The following RORA variants were observed in gnomAD, a reference collection of about 807,000 sequenced individuals.
RORA encodes nuclear receptor ROR-alpha.
A neutral mutation model predicts 69.5 loss-of-function variants in RORA; 7 were observed. The ratio of observed to expected loss-of-function variants is 0.10; its 90% confidence interval spans 0.06 to 0.19. The LOEUF (loss-of-function observed/expected upper bound fraction) is 0.19. RORA is among the 10% of genes least tolerant of loss of function. The pLI is 1.00. For synonymous variants in RORA, 261 were observed against 240.8 expected (o/e 1.08, Z -0.78); for missense variants, 457 against 663.0 (o/e 0.69, Z 3.41).
chr15:60,896,740 T>C lies in RORA; in HGVS notation c.167-218054A>G, dbSNP rs1289544414. Among the ~76,000 whole-genome samples the C allele has an allele frequency of 1.6e-5, 2 of 126,794 alleles. 1 individual carries two copies. Among genetic ancestry groups the C allele is most frequent in the Admixed American group, 1.5e-4 (2 of 13,128 alleles). 83.2% of individuals were successfully genotyped at this position (126,794 alleles called of 152,430 possible). A position where few individuals can be genotyped will look rare whatever the true frequency, so the allele number is the denominator to read the frequency against. ...GACTCTGGAGAATTTAGCTTTTTTT[T>C]TTTTTTTTTTTGGCTGCATAGCCAA... On this transcript the variant is annotated intron_variant, in intron 1 of 10. Transcript: ENST00000335670.
At chr15:61,167,987 C>G (rs1287092296) in intron 1 of RORA, among the ~76,000 whole-genome samples, 12 of 152,126 alleles carry the variant, frequency 7.9e-5, no homozygotes, top group African/African-American at 2.9e-4. Flanking sequence ...TTTCAGGCAC[C>G]TATAAAACAT....
At chr15:60,874,777 G>T (rs1044611211) in intron 1 of RORA, among the ~76,000 whole-genome samples, 1 of 152,188 alleles carries the variant, frequency 6.6e-6, no homozygotes, top group African/African-American at 2.4e-5. Context: ...TAGGATCATG[G>T]TTAAAAGTGT....
chr15:60,583,440 C>T (rs185917993), intron 2 of RORA, among the ~76,000 whole-genome samples: 51 of 152,350 alleles, frequency 3.3e-4, no homozygotes, highest in African/African-American at 1.1e-3. Context: ...AGACTCTTAG[C>T]CTGCTCCTGC....
intron 1 of RORA, among the ~76,000 whole-genome samples, chr15:61,156,242 T>C (rs1444094001): frequency 6.6e-6 from 1 of 152,158 alleles, no homozygotes; most frequent in East Asian, 1.9e-4. Flanking sequence ...TATTAAGATA[T>C]GTTAAAATCT....
chr15:60,651,517 C>A (rs569722875), intron 2 of RORA, among the ~76,000 whole-genome samples: 1 of 152,302 alleles, frequency 6.6e-6, no homozygotes, highest in Non-Finnish European at 1.5e-5. Context: ...TGCTCCTTTG[C>A]AAACCTTCAT....
chr15:60,979,888 G>T (rs1190664652), intron 1 of RORA, among the ~76,000 whole-genome samples: 1 of 151,870 alleles, frequency 6.6e-6, no homozygotes, highest in African/African-American at 2.4e-5. Flanking sequence ...TCATCTAATT[G>T]CCCTGGCTAA....
chr15:60,689,709 G>C (rs575594496), intron 1 of RORA, among the ~76,000 whole-genome samples: 3 of 152,142 alleles, frequency 2.0e-5, no homozygotes, highest in Non-Finnish European at 2.9e-5. Context: ...TGTGTAAGAG[G>C]AAGGAGAGGG....
chr15:61,038,690 A>G (rs1251959471), intron 1 of RORA: 2 of 152,254 alleles, frequency 1.3e-5, no homozygotes, highest in African/African-American at 4.8e-5. Context: ...AAACAGTCCA[A>G]TCAAAATACA....
At chr15:60,524,574 T>C (rs7169846) in intron 3 of RORA, among the ~76,000 whole-genome samples, 5 of 152,358 alleles carry the variant, frequency 3.3e-5, no homozygotes, top group East Asian at 3.9e-4. Context: ...CTCCCATGTG[T>C]ACCTTTAAGA....
At chr15:60,831,077 G>C (rs951994111) in intron 1 of RORA, among the ~76,000 whole-genome samples, 3 of 152,236 alleles carry the variant, frequency 2.0e-5, no homozygotes, top group Non-Finnish European at 4.4e-5. Context: ...AAGAGAAGCA[G>C]ATGAAGGGCC....
intron 1 of RORA, among the ~76,000 whole-genome samples, chr15:60,725,244 T>G (rs1014554164): frequency 2.0e-5 from 3 of 152,180 alleles, no homozygotes; most frequent in African/African-American, 7.2e-5. Flanking sequence ...AGCACCCCTC[T>G]CTTTCCCACT....
intron 1 of RORA, among the ~76,000 whole-genome samples, chr15:61,083,834 G>A (rs777674031): frequency 6.6e-6 from 1 of 151,924 alleles, no homozygotes; most frequent in East Asian, 1.9e-4. Context: ...AAGTCTAAAA[G>A]CATGAGGAAA....
chr15:60,725,910 G>T (rs570082873), intron 1 of RORA, among the ~76,000 whole-genome samples: 103 of 152,334 alleles, frequency 6.8e-4, no homozygotes, highest in African/African-American at 2.4e-3. Flanking sequence ...GGTCAGAATT[G>T]TAGAAATTCT....
At chr15:60,903,935 T>C (rs1387062784) in intron 1 of RORA, among the ~76,000 whole-genome samples, 1 of 152,202 alleles carries the variant, frequency 6.6e-6, no homozygotes. Flanking sequence ...ATATACGACG[T>C]ATAAAGTATC....
intron 1 of RORA, among the ~76,000 whole-genome samples, chr15:60,985,369 G>T (rs555465054): frequency 6.7e-6 from 1 of 148,926 alleles, no homozygotes; most frequent in South Asian, 2.1e-4. Context: ...AGGTAGAAAA[G>T]CTTACTCCCA....
chr15:61,030,169 C>CCTAT (rs1225139171), intron 1 of RORA, among the ~76,000 whole-genome samples: 1 of 152,090 alleles, frequency 6.6e-6, no homozygotes, highest in African/African-American at 2.4e-5. Context: ...TTAAAGGAAA[C>CCTAT]TAAAGAGACC....
intron 1 of RORA, among the ~76,000 whole-genome samples, chr15:60,829,441 C>T (rs1369380053): frequency 6.6e-6 from 1 of 152,078 alleles, no homozygotes; most frequent in Non-Finnish European, 1.5e-5. Context: ...CCACATGGGC[C>T]CGATTCTGCC....
At chr15:61,157,382 A>T (rs1444950532) in intron 1 of RORA, among the ~76,000 whole-genome samples, 1 of 152,224 alleles carries the variant, frequency 6.6e-6, no homozygotes, top group Non-Finnish European at 1.5e-5. Context: ...TTTCAGCTAA[A>T]CATAAAATGT....
chr15:60,962,582 C>T (rs1455503889), intron 1 of RORA, among the ~76,000 whole-genome samples: 1 of 152,230 alleles, frequency 6.6e-6, no homozygotes, highest in African/African-American at 2.4e-5. Flanking sequence ...CCCCGCTCTC[C>T]TCCACTTTAC....
Sources: gnomAD v4.1 joint callset for allele counts (sites outside exome capture counted in the v4.1 genomes callset) on GRCh38, gnomAD v4.1.1 for gene constraint, MANE v1.5 for transcripts, NCBI Gene and HGNC (gene_info 2026-07-23, HGNC 2026-07-21) for gene names.